LRRC32: variants seen among roughly 807,000 people sequenced by gnomAD.
The protein encoded by LRRC32 is leucine rich repeat containing 32.
A neutral mutation model predicts 15.0 loss-of-function variants in LRRC32; 5 were observed. The ratio of observed to expected loss-of-function variants is 0.33; its 90% confidence interval spans 0.17 to 0.70. The LOEUF (loss-of-function observed/expected upper bound fraction) is 0.70. Among genes scored for constraint, LRRC32 ranks in the 30% least tolerant of loss-of-function variants. The pLI is 0.66. For missense variants in LRRC32, 803 were observed against 854.2 expected (o/e 0.94, Z 0.75); for synonymous variants, 391 against 403.9 (o/e 0.97, Z 0.38).
rs1952469492 is a variant in LRRC32, at chr11:76,659,414, AG to A, written c.*189del. The A allele has an allele frequency of 6.0e-5, 37 of 619,132 alleles. No individual in the cohort carries two copies. The South Asian group carries it at 7.9e-4, about 13-fold the overall frequency. 38.4% of individuals were successfully genotyped at this position (619,132 alleles called of 1,614,324 possible). ...AAACCGCCCAACTTCTGGCTTCCAC[AG>A]CTGGACCCAAAGTGCAGCCCGGGAA... On this transcript the variant is annotated 3_prime_UTR_variant, in exon 3 of 3. Coordinates refer to ENST00000260061, the MANE Select transcript of LRRC32 (RefSeq NM_001128922.2).
chr11:76,669,132 C>T (rs1435802130), intron 1 of LRRC32, among the ~76,000 whole-genome samples: 1 of 152,140 alleles, frequency 6.6e-6, no homozygotes, highest in Non-Finnish European at 1.5e-5. Context: ...ACTGGCCAAC[C>T]CCAACTATTG....
intron 1 of LRRC32, among the ~76,000 whole-genome samples, chr11:76,668,852 A>G (rs575662026): frequency 6.6e-6 from 1 of 152,312 alleles, no homozygotes; most frequent in East Asian, 1.9e-4. Flanking sequence ...GTGCACATCC[A>G]GAAGGGATCG....
Position 76,659,451 on chromosome 11 carries a change from C to T in LRRC32, c.*153G>A. 2 of 834,996 alleles carry T rather than the reference C, an allele frequency of 2.4e-6. No individual in the cohort carries two copies. Among genetic ancestry groups the T allele is most frequent in the Non-Finnish European group, 3.6e-6 (2 of 552,336 alleles). 51.7% of individuals were successfully genotyped at this position (834,996 alleles called of 1,614,324 possible). A position where few individuals can be genotyped will look rare whatever the true frequency, so the allele number is the denominator to read the frequency against. ...AGTGCAGCCCGGGAAGGGGGTCACC[C>T]ACTGATGCAGCAGGCGGCAGAGAAA... On this transcript the variant is annotated 3_prime_UTR_variant, in exon 3 of 3. Coordinates refer to ENST00000260061, the MANE Select transcript of LRRC32 (RefSeq NM_001128922.2).
At chr11:76,663,103 C>T (rs1952566078) in intron 2 of LRRC32, 1 of 152,232 alleles carries the variant, frequency 6.6e-6, no homozygotes, top group South Asian at 2.1e-4. Flanking sequence ...TGTGTGAGGA[C>T]CTGCTAGACA....
rs547231753 is a variant in LRRC32, at chr11:76,658,512, C to A, written c.*1092G>T. 1.3e-5 allele frequency: 2 copies of A among 152,306 alleles called. No individual in the cohort carries two copies. The highest frequency in any genetic ancestry group is 3.9e-4 in the East Asian group (2 of 5,192). 9.4% of individuals were successfully genotyped at this position (152,306 alleles called of 1,614,324 possible). ...GTGGGGCCACTTCCTGTCCACTTAA[C>A]GGCCTGCAGCCCCTGCAGTGGTAAA... On this transcript the variant is annotated 3_prime_UTR_variant, in exon 3 of 3. Transcript: ENST00000260061.
intron 2 of LRRC32, 132 bp from the exon 3 acceptor site, chr11:76,661,640 TCC>T (rs1952536280): frequency 7.1e-7 from 1 of 1,405,810 alleles, no homozygotes; most frequent in Non-Finnish European, 9.3e-7. Context: ...TGCTCAACTT[TCC>T]CCCACCGCAG....
Position 76,659,588 on chromosome 11 carries a change from G to A in LRRC32, c.*16C>T. On this transcript the variant is annotated 3_prime_UTR_variant, in exon 3 of 3. Transcript: ENST00000260061. Reference sequence around the variant, plus strand: ...CCTCAGGCTCCCCCACTGACCTAGAGTGTCTCCCGGCTTCTTTAGGCTTTA... The same window carrying A: ...CCTCAGGCTCCCCCACTGACCTAGAATGTCTCCCGGCTTCTTTAGGCTTTA... 6.2e-7 allele frequency: 1 copy of A among 1,609,990 alleles called. No individual in the cohort carries two copies. The highest frequency in any genetic ancestry group is 1.1e-5 in the South Asian group (1 of 90,634).
At chr11:76,663,691 T>A (rs1341161147) in intron 2 of LRRC32, 1 of 152,408 alleles carries the variant, frequency 6.6e-6, no homozygotes, top group African/African-American at 2.4e-5. Context: ...CCTCACAACC[T>A]CTCTGTCTGC....
rs1590765043 is a variant in LRRC32 at position 76,661,229 on chromosome 11, G to A, written c.364C>T (p.Pro122Ser). The change falls in exon 3 of 3, where the codon CCC becomes TCC. Residue 122 changes from proline to serine, a missense_variant. Pro to Ser is a moderately conservative substitution (Grantham distance 74). Transcript: ENST00000260061. Reference protein sequence around the residue: ...ATALSAGGLGPLPRVTSLDLS... With the variant: ...ATALSAGGLGSLPRVTSLDLS... The stretch of plus-strand genomic sequence containing the variant: ...TCCAGGGAGGTCACGCGTGGCAGGG[G>A]GCCCAGGCCACCAGCACTCAGCGCA... 1.2e-6 allele frequency: 2 copies of A among 1,613,890 alleles called. No individual in the cohort carries two copies. The highest frequency in any genetic ancestry group is 1.7e-6 in the Non-Finnish European group (2 of 1,179,916).
chr11:76,667,066 T>C (rs973939190), intron 1 of LRRC32, among the ~76,000 whole-genome samples: 1 of 152,174 alleles, frequency 6.6e-6, no homozygotes, highest in Non-Finnish European at 1.5e-5. Flanking sequence ...GTCTCCTCAT[T>C]TGAGGTTAAT....
rs781206861 is a variant in LRRC32, at chr11:76,659,732, C to A, written c.1861G>T (p.Gly621Trp). The A allele has an allele frequency of 3.0e-5, 49 of 1,614,122 alleles. No individual in the cohort carries two copies. The highest frequency in any genetic ancestry group is 3.6e-5 in the Non-Finnish European group (42 of 1,180,046). The change falls in exon 3 of 3, where the codon GGG (glycine) becomes TGG (tryptophan). Residue 621 changes from glycine (G) to tryptophan (W), a missense_variant. Physicochemically the swap from Gly to Trp is radical, Grantham distance 184. Coordinates refer to ENST00000260061, the MANE Select transcript of LRRC32 (RefSeq NM_001128922.2). ...ATGAGGTTGATGTTCTTCAGTCCCC[C>A]CTTCTCACAGTCCTCGGGACGCACG... ...SHVRPEDCEK[G>W]GLKNINLIII...
chr11:76,661,460 AG>A lies in LRRC32; in HGVS notation c.132del (p.Ser45ArgfsTer36), dbSNP rs1246890860. 6.8e-7 allele frequency: 1 copy of A among 1,461,448 alleles called. No homozygotes were observed. The highest frequency in any genetic ancestry group is 1.1e-5 in the South Asian group (1 of 89,060). The allele number at this position is 1,461,448 out of a possible 1,614,324, so 90.5% of individuals were successfully genotyped here. A position where few individuals can be genotyped will look rare whatever the true frequency, so the allele number is the denominator to read the frequency against. On this transcript the variant is annotated frameshift_variant, in exon 3 of 3. Transcript: ENST00000260061. LOFTEE classifies it low-confidence loss of function (END_TRUNC). ...GTCTCAGTGTCTGGCGGGAGCACCG[AG>A]GGGACCTGGAGCAGGCCCAGAACCT... The part of the protein sequence containing the change: ...SCQVLGLLQV[P>X]SVLPPDTETL...
chr11:76,661,642 C>A, intron 2 of LRRC32, 134 bp from the exon 3 acceptor site: 1 of 1,403,882 alleles, frequency 7.1e-7, no homozygotes, highest in Non-Finnish European at 9.3e-7. Context: ...CTCAACTTTC[C>A]CCCACCGCAG....
chr11:76,661,653 C>CTCAA (rs1952536495), intron 2 of LRRC32, 145 bp from the exon 3 acceptor site: 2 of 1,360,872 alleles, frequency 1.5e-6, no homozygotes, highest in Non-Finnish European at 1.9e-6. Context: ...CCCACCGCAG[C>CTCAA]CTGATCACCC....
rs1488872540 is a variant in LRRC32, at chr11:76,659,924, C to T, written c.1669G>A (p.Gly557Ser). 6.2e-7 allele frequency: 1 copy of T among 1,613,746 alleles called. No homozygotes were observed. ...SFSLLPGSAM[G>S]GLETSLRRLY... ...CGCCGGAGGCTGGTCTCCAGGCCAC[C>T]CATGGCACTGCCTGGCAGGAGGCTG... The change falls in exon 3 of 3, where the codon GGT becomes AGT. Residue 557 changes from glycine to serine, a missense_variant. Physicochemically the swap from Gly to Ser is moderately conservative, Grantham distance 56. Transcript: ENST00000260061.
chr11:76,662,308 A>G (rs983882187), intron 2 of LRRC32, among the ~76,000 whole-genome samples: 3 of 150,556 alleles, frequency 2.0e-5, no homozygotes, highest in Admixed American at 2.0e-4. Flanking sequence ...ACCTCCAGGA[A>G]GTCACATAAC....
chr11:76,666,030 C>T (rs1045434383), intron 1 of LRRC32, 72 bp from the exon 2 acceptor site: 4 of 1,408,716 alleles, frequency 2.8e-6, no homozygotes, highest in Non-Finnish European at 4.0e-6. Context: ...CCCCCACTCC[C>T]ACCCATTCTG....
Position 76,659,944 on chromosome 11 carries a change from A to G in LRRC32, c.1649T>C (p.Leu550Pro). The change falls in exon 3 of 3, where the codon CTC becomes CCC. Residue 550 changes from leucine (L) to proline (P), a missense_variant. Transcript: ENST00000260061. Reference sequence around the variant, plus strand: ...GCCACCCATGGCACTGCCTGGCAGGAGGCTGAAGCTGTTGTTTCGCAGGTC... The same window carrying G: ...GCCACCCATGGCACTGCCTGGCAGGGGGCTGAAGCTGTTGTTTCGCAGGTC... ...VLDLRNNSFS[L>P]LPGSAMGGLE... 1 of 1,613,934 alleles carries G rather than the reference A, an allele frequency of 6.2e-7. No homozygotes were observed. The highest frequency in any genetic ancestry group is 8.5e-7 in the Non-Finnish European group (1 of 1,180,008).
rs562738811 is a variant in LRRC32 at position 76,660,875 on chromosome 11, G to T, written c.718C>A (p.Gln240Lys). 1 of 1,614,212 alleles carries T rather than the reference G, an allele frequency of 6.2e-7. No homozygotes were observed. Among genetic ancestry groups the T allele is most frequent in the Admixed American group, 1.7e-5 (1 of 60,030 alleles). Residue 240 changes from glutamine (Q) to lysine (K), a missense_variant, in exon 3 of 3, where the codon CAG becomes AAG. Coordinates refer to ENST00000260061, the MANE Select transcript of LRRC32 (RefSeq NM_001128922.2). ...AGCCAGGTGAGCTGGAACTCAGCCT[G>T]GGGCTGGGAGGCCGTCTGAAAGGCC... ...IEAFQTASQP[Q>K]AEFQLTWLDL...
Sources: allele counts gnomAD v4.1 joint callset (sites outside exome capture counted in the v4.1 genomes callset), GRCh38; gene constraint gnomAD v4.1.1; transcripts MANE v1.5; gene names NCBI Gene and HGNC (gene_info 2026-07-23, HGNC 2026-07-21).